PCNX2: variants seen among roughly 807,000 people sequenced by gnomAD.
PCNX2 encodes pecanex-like protein 2.
Under a neutral mutation model 223.8 loss-of-function variants are expected in PCNX2, and 168 were observed. The ratio of observed to expected loss-of-function variants is 0.75; its 90% CI spans 0.66 to 0.85. The LOEUF is 0.85. Ranked by LOEUF, PCNX2 falls within the 40% of genes least tolerant of loss-of-function variation. The probability of loss-of-function intolerance (pLI) is 0.00; values close to 1 mark genes in which losing one functional copy is unlikely to be tolerated. For synonymous variants in PCNX2, 1,006 were observed against 1,052.6 expected, an observed-to-expected ratio of 0.96 and a Z score of 0.86; for missense variants, 2,507 against 2,675.5, an observed-to-expected ratio of 0.94 and a Z score of 1.39.
chr1:233,237,131 A>G, intron 8 of PCNX2, 151 bp from the exon 9 acceptor site: 1 of 548,122 alleles, frequency 1.8e-6, no homozygotes, highest in Non-Finnish European at 2.3e-6. Context: ...GTTTAAAATT[A>G]TGTATACAAG....
intron 19 of PCNX2, among the ~76,000 whole-genome samples, chr1:233,143,985 A>T (rs963785228): frequency 6.6e-6 from 1 of 152,068 alleles, no homozygotes; most frequent in Non-Finnish European, 1.5e-5. Flanking sequence ...ATATACCCCA[A>T]GCCTGGGCAA....
rs1204816241 is a variant in PCNX2 at position 233,053,486 on chromosome 1, AC to A, written c.4351+781del. Reference sequence around the variant, plus strand: ...CAAGCTATAATAAGTTTGTCTGTTTACTTGTTTACTTTAGGTGTCTCTCACT... The same window carrying A: ...CAAGCTATAATAAGTTTGTCTGTTTATTGTTTACTTTAGGTGTCTCTCACT... On this transcript the variant is annotated intron_variant, in intron 25 of 33. Transcript: ENST00000258229. Among the ~76,000 whole-genome samples the A allele has an allele frequency of 3.3e-5, 5 of 152,106 alleles. No homozygotes were observed. In the South Asian group the frequency reaches 8.3e-4, roughly 25 times the overall value.
intron 28 of PCNX2, among the ~76,000 whole-genome samples, chr1:233,002,665 A>C (rs769841880): frequency 6.6e-5 from 10 of 152,256 alleles, no homozygotes; most frequent in Non-Finnish European, 1.5e-4. Context: ...TTTTAATTTC[A>C]TATGGAACCA....
chr1:233,107,677 A>AC (rs1035291247), intron 21 of PCNX2, among the ~76,000 whole-genome samples: 104 of 151,984 alleles, frequency 6.8e-4, no homozygotes, highest in African/African-American at 2.4e-3. Context: ...GAAAAAAAAA[A>AC]AACCCACAAA....
At chr1:233,133,384 TAA>T (rs1156625118) in intron 21 of PCNX2, among the ~76,000 whole-genome samples, 1 of 152,136 alleles carries the variant, frequency 6.6e-6, no homozygotes, top group Non-Finnish European at 1.5e-5. Flanking sequence ...AAAAATGGGA[TAA>T]GTTAATCAGA....
At chr1:233,233,988 T>C (rs937022175) in intron 9 of PCNX2, among the ~76,000 whole-genome samples, 1 of 152,114 alleles carries the variant, frequency 6.6e-6, no homozygotes, top group African/African-American at 2.4e-5. Flanking sequence ...AGGAAGCCTC[T>C]CTGATCCCCT....
At chr1:233,308,708 GATTAA>G in the PCNX2 span, among the ~76,000 whole-genome samples, 1 of 151,918 alleles carries the variant, frequency 6.6e-6, no homozygotes, top group African/African-American at 2.4e-5. Context: ...CATCTAAAAA[GATTAA>G]ATTAACATGT....
intron 13 of PCNX2, among the ~76,000 whole-genome samples, chr1:233,200,943 G>A (rs1257706036): frequency 3.4e-5 from 5 of 148,498 alleles, no homozygotes; most frequent in African/African-American, 1.2e-4. Flanking sequence ...GGAGAATGGC[G>A]TGAACCCGGG....
At chr1:232,985,005 T>A (rs958165337) in intron 33 of PCNX2, 2 of 152,354 alleles carry the variant, frequency 1.3e-5, no homozygotes, top group African/African-American at 4.8e-5. Flanking sequence ...ACTTTGTACA[T>A]TTTTATTGAG....
At chr1:232,997,546 C>A (rs1025024891) in intron 32 of PCNX2, among the ~76,000 whole-genome samples, 4 of 152,172 alleles carry the variant, frequency 2.6e-5, no homozygotes, top group African/African-American at 7.2e-5. Flanking sequence ...GGAACCAGGG[C>A]AGAGCATCCA....
chr1:233,044,751 C>T (rs1261753910), intron 25 of PCNX2, among the ~76,000 whole-genome samples: 1 of 151,968 alleles, frequency 6.6e-6, no homozygotes, highest in Admixed American at 6.6e-5. Flanking sequence ...TCACTGCAAC[C>T]TCCACTTCTC....
rs553295927 is a variant in PCNX2 at position 233,032,974 on chromosome 1, G to A, written c.4352-7575C>T. ...TAATTTTGGAAAATGCACTAATTGCGTTGTCCAAATGTAAATCAAGGCCCA... is the reference window on the plus strand; with the variant it reads ...TAATTTTGGAAAATGCACTAATTGCATTGTCCAAATGTAAATCAAGGCCCA... On this transcript the variant is annotated intron_variant, in intron 25 of 33. Transcript: ENST00000258229. The A allele has an allele frequency of 8.4e-5, 83 of 984,466 alleles. No individual in the cohort carries two copies. The East Asian group carries it at 1.2e-3, about 15-fold the overall frequency. The allele number at this position is 984,466 out of a possible 1,614,324, so 61.0% of individuals were successfully genotyped here. A position where few individuals can be genotyped will look rare whatever the true frequency, so the allele number is the denominator to read the frequency against.
At chr1:233,255,348 C>G (rs1489726768) in intron 5 of PCNX2, among the ~76,000 whole-genome samples, 1 of 152,172 alleles carries the variant, frequency 6.6e-6, no homozygotes, top group Admixed American at 6.6e-5. Flanking sequence ...TGCCCATAAC[C>G]TCCAATCAGG....
At chr1:233,237,653 G>C (rs539714865) in intron 8 of PCNX2, among the ~76,000 whole-genome samples, 1 of 152,242 alleles carries the variant, frequency 6.6e-6, no homozygotes, top group East Asian at 1.9e-4. Context: ...TTCTCTATCT[G>C]ATTTTCTAGT....
At chr1:233,319,193 CT>C in the PCNX2 span, among the ~76,000 whole-genome samples, 1 of 152,152 alleles carries the variant, frequency 6.6e-6, no homozygotes, top group African/African-American at 2.4e-5. Flanking sequence ...ACCATCTCCA[CT>C]TCCTCATCCC....
At chr1:233,276,564 T>C (rs1182233547) in intron 1 of PCNX2, among the ~76,000 whole-genome samples, 1 of 152,224 alleles carries the variant, frequency 6.6e-6, no homozygotes, top group Non-Finnish European at 1.5e-5. Flanking sequence ...AACTGAGAAA[T>C]ATGAACAACC....
chr1:233,104,948 T>C (rs1278331910), intron 21 of PCNX2, among the ~76,000 whole-genome samples: 2 of 152,084 alleles, frequency 1.3e-5, no homozygotes, highest in Admixed American at 1.3e-4. Flanking sequence ...TAGAACATAT[T>C]TTAAAATGAA....
chr1:233,075,794 C>A (rs1309243852), intron 23 of PCNX2, among the ~76,000 whole-genome samples: 1 of 151,784 alleles, frequency 6.6e-6, no homozygotes, highest in Non-Finnish European at 1.5e-5. Flanking sequence ...GACTACCATG[C>A]ATTCATCTAC....
intron 25 of PCNX2, chr1:233,025,630 G>C (rs1318586277): frequency 1.7e-6 from 1 of 575,868 alleles, no homozygotes; most frequent in African/African-American, 1.9e-5. Context: ...ATATTTAAAC[G>C]ATTTAAAAAT....
Sources: allele counts gnomAD v4.1 joint callset (sites outside exome capture counted in the v4.1 genomes callset), GRCh38; gene constraint gnomAD v4.1.1; transcripts MANE v1.5; gene names NCBI Gene and HGNC (gene_info 2026-07-23, HGNC 2026-07-21).